The following HOXC13 variants were observed in gnomAD, a reference collection of about 807,000 sequenced individuals.
HOXC13 encodes the protein homeobox protein Hox-C13.
In HOXC13, 10 loss-of-function variants were observed where a neutral mutation model predicts 25.9. The observed-to-expected ratio is 0.39, with a 90% CI of 0.24 to 0.65. The LOEUF is 0.65. HOXC13 is among the 30% of genes least tolerant of loss of function. HOXC13 has a pLI of 0.50. For missense variants in HOXC13, 439 were observed against 478.3 expected, an observed-to-expected ratio of 0.92 and a Z score of 0.77; for synonymous variants, 233 against 217.1, an observed-to-expected ratio of 1.07 and a Z score of -0.64.
Position 53,945,522 on chromosome 12 carries a change from A to G in HOXC13, c.*266A>G. 1.9e-6 allele frequency: 1 copy of G among 524,106 alleles called. No individual in the cohort carries two copies. The highest frequency in any genetic ancestry group is 3.4e-6 in the Non-Finnish European group (1 of 290,052). The allele number at this position is 524,106 out of a possible 1,614,324, so 32.5% of individuals were successfully genotyped here. On this transcript the variant is annotated 3_prime_UTR_variant, in exon 2 of 2. Transcript: ENST00000243056. This position sits in a 1 kb window ranked among gnomAD's most constrained non-coding sequence, Gnocchi z 4.4. Reference sequence around the variant, plus strand: ...TGGGTCCCGAGTGGGCCGTGCGAGGAAGGCTGTCGACCTCTACTCCTCCTT... The same window carrying G: ...TGGGTCCCGAGTGGGCCGTGCGAGGGAGGCTGTCGACCTCTACTCCTCCTT...
intron 1 of HOXC13, among the ~76,000 whole-genome samples, chr12:53,942,980 A>G (rs968791016): frequency 6.6e-6 from 1 of 152,262 alleles, no homozygotes; most frequent in Admixed American, 6.5e-5. Flanking sequence ...AAAGTAAAAA[A>G]TTAGGGACAA....
rs781495718 is a variant in HOXC13 at position 53,939,372 on chromosome 12, C to A, written c.466C>A (p.Pro156Thr). 44 of 1,606,192 alleles carry A rather than the reference C, an allele frequency of 2.7e-5. No homozygotes were observed. The highest frequency in any genetic ancestry group is 4.0e-5 in the African/African-American group (3 of 74,776). Residue 156 changes from proline to threonine, a missense_variant, in exon 1 of 2, where the codon CCG becomes ACG. Transcript: ENST00000243056. The surrounding 1 kb of genome is among the most constrained non-coding windows in gnomAD (Gnocchi z 6.7). ...AYHPGDKYPE[P>T]SGALPGDDLS... ...CCACCCGGGCGATAAATACCCGGAGCCGTCGGGCGCCCTGCCCGGTGACGA... is the reference window on the plus strand; with the variant it reads ...CCACCCGGGCGATAAATACCCGGAGACGTCGGGCGCCCTGCCCGGTGACGA...
chr12:53,939,113 C>G lies in HOXC13; in HGVS notation c.207C>G (p.Cys69Trp). The G allele has an allele frequency of 1.4e-6, 2 of 1,454,030 alleles. No homozygotes were observed. Among genetic ancestry groups the G allele is most frequent in the South Asian group, 1.4e-5 (1 of 71,898 alleles). The allele number at this position is 1,454,030 out of a possible 1,614,324, so 90.1% of individuals were successfully genotyped here. Residue 69 changes from cysteine to tryptophan, a missense_variant, in exon 1 of 2, where the codon TGC (cysteine) becomes TGG (tryptophan). Coordinates refer to ENST00000243056, the MANE Select transcript of HOXC13 (RefSeq NM_017410.3). The surrounding 1 kb of genome is among the most constrained non-coding windows in gnomAD (Gnocchi z 6.7). ...GLGSSCPASH[C>W]RDLLPHPVLG... ...GCAGCAGCTGCCCGGCCAGCCACTG[C>G]CGCGACCTGCTTCCGCACCCCGTGC...
In HOXC13 at chr12:53,939,266, C is replaced by G. The variant is rs747044862; in HGVS notation, c.360C>G (p.Gly120=). 28 of 1,557,552 alleles carry G rather than the reference C, an allele frequency of 1.8e-5. 1 individual carries two copies. The African/African-American group carries it at 2.6e-4, about 14-fold the overall frequency. Residue 120 remains glycine, a synonymous_variant, in exon 1 of 2, where the codon GGC becomes GGG. Coordinates refer to ENST00000243056, the MANE Select transcript of HOXC13 (RefSeq NM_017410.3). The surrounding 1 kb of genome is among the most constrained non-coding windows in gnomAD (Gnocchi z 6.7). Reference sequence around the variant, plus strand: ...CCACCTCGTCCAGCGCCACCCTGGGCTACGGCTACCCCTTCGGGGGCAGCT... The same window carrying G: ...CCACCTCGTCCAGCGCCACCCTGGGGTACGGCTACCCCTTCGGGGGCAGCT... ...APPTSSSATL[G]YGYPFGGSYY...
At chr12:53,940,170 AT>A (rs1938587175) in intron 1 of HOXC13, among the ~76,000 whole-genome samples, 1 of 152,124 alleles carries the variant, frequency 6.6e-6, no homozygotes, top group African/African-American at 2.4e-5. Context: ...TGTGAGATTT[AT>A]TTTTTTCCTT....
At chr12:53,944,226 T>A (rs1938654195) in intron 1 of HOXC13, among the ~76,000 whole-genome samples, 1 of 152,120 alleles carries the variant, frequency 6.6e-6, no homozygotes, top group Non-Finnish European at 1.5e-5. Context: ...TCCCTATATC[T>A]CAGGTTCAGG....
chr12:53,945,109 C>T lies in HOXC13; in HGVS notation c.846C>T (p.Ser282=). ...LKELEKEYAA[S]KFITKEKRRR... is the part of the protein sequence containing the mutation. Reference sequence around the variant, plus strand: ...AGCTAGAGAAGGAATACGCGGCTAGCAAGTTCATCACCAAAGAGAAGCGCC... The same window carrying T: ...AGCTAGAGAAGGAATACGCGGCTAGTAAGTTCATCACCAAAGAGAAGCGCC... The change falls in exon 2 of 2, where the codon AGC becomes AGT. Residue 282 remains serine (S), a synonymous_variant. Transcript: ENST00000243056. This position sits in a 1 kb window ranked among gnomAD's most constrained non-coding sequence, Gnocchi z 4.4. 4.3e-6 allele frequency: 7 copies of T among 1,613,938 alleles called. No homozygotes were observed. The highest frequency in any genetic ancestry group is 5.1e-6 in the Non-Finnish European group (6 of 1,179,934).
In HOXC13 at chr12:53,939,234, G is replaced by T. The variant is rs755337383; in HGVS notation, c.328G>T (p.Ala110Ser). 1 of 1,537,314 alleles carries T rather than the reference G, an allele frequency of 6.5e-7. No individual in the cohort carries two copies. Among genetic ancestry groups the T allele is most frequent in the South Asian group, 1.2e-5 (1 of 83,046 alleles). Reference protein sequence around the residue: ...EAARQCAPPPAPPTSSSATLG... With the variant: ...EAARQCAPPPSPPTSSSATLG... ...GGCGCGCCAGTGTGCCCCGCCGCCC[G>T]CACCCCCCACCTCGTCCAGCGCCAC... Residue 110 changes from alanine (A) to serine (S), a missense_variant, in exon 1 of 2, where the codon GCA becomes TCA. Ala to Ser is a moderately conservative substitution (Grantham distance 99, BLOSUM62 1). Transcript: ENST00000243056. This position sits in a 1 kb window ranked among gnomAD's most constrained non-coding sequence, Gnocchi z 6.7.
intron 1 of HOXC13, among the ~76,000 whole-genome samples, chr12:53,941,580 A>G (rs1198685205): frequency 1.3e-5 from 2 of 152,244 alleles, no homozygotes; most frequent in African/African-American, 4.8e-5. Flanking sequence ...ACAAAACAAA[A>G]CAAAACAAAA....
chr12:53,942,859 T>TTTAAA (rs1938634712), intron 1 of HOXC13, among the ~76,000 whole-genome samples: 1 of 152,240 alleles, frequency 6.6e-6, no homozygotes, highest in Non-Finnish European at 1.5e-5. Flanking sequence ...AAACCAGTTG[T>TTTAAA]CTACTTTTTA....
At position 53,938,977 on chromosome 12, in the gene HOXC13, C is replaced by G. The variant is rs780519575; in HGVS notation, c.71C>G (p.Ala24Gly). The G allele has an allele frequency of 1.3e-6, 2 of 1,519,148 alleles. No homozygotes were observed. The highest frequency in any genetic ancestry group is 2.4e-5 in the South Asian group (2 of 82,784). 94.1% of individuals were successfully genotyped at this position (1,519,148 alleles called of 1,614,324 possible). A position where few individuals can be genotyped will look rare whatever the true frequency, so the allele number is the denominator to read the frequency against. The change falls in exon 1 of 2, where the codon GCG becomes GGG. Residue 24 changes from alanine (A) to glycine (G), a missense_variant. By Grantham distance (60) the Ala-to-Gly change is moderately conservative (BLOSUM62 0). Coordinates refer to ENST00000243056, the MANE Select transcript of HOXC13 (RefSeq NM_017410.3). ...ATGTACGTCTATGAGGACAGCGCGG[C>G]GGAGAGCGGCATCGGCGGCGGCGGC... Reference protein sequence around the residue: ...SLMYVYEDSAAESGIGGGGGG... With the variant: ...SLMYVYEDSAGESGIGGGGGG...
In HOXC13 at chr12:53,943,219, A is replaced by G. The variant is rs1282799697; in HGVS notation, c.737-1781A>G. ...CCTAATCTTGTAAAATGAGTTTAAC[A>G]AAATAATCCTGAAAAAATGTTCTGA... On this transcript the variant is annotated intron_variant, in intron 1 of 1. Transcript: ENST00000243056. Among the ~76,000 whole-genome samples the G allele has an allele frequency of 2.0e-5, 3 of 152,360 alleles. No individual in the cohort carries two copies. In the East Asian group the frequency reaches 5.8e-4, roughly 29 times the overall value.
rs1052593737 is a variant in HOXC13 at position 53,945,475 on chromosome 12, G to A, written c.*219G>A. On this transcript the variant is annotated 3_prime_UTR_variant, in exon 2 of 2. Transcript: ENST00000243056. This position sits in a 1 kb window ranked among gnomAD's most constrained non-coding sequence, Gnocchi z 4.4. ...CCACCCCCATCCAGATGGGACTCAC[G>A]TGGCTTCAACAGCTTTGGAAATGGG... is the stretch of plus-strand genomic sequence containing the variant. 1 of 596,804 alleles carries A rather than the reference G, an allele frequency of 1.7e-6. No individual in the cohort carries two copies. Among genetic ancestry groups the A allele is most frequent in the South Asian group, 2.1e-5 (1 of 48,244 alleles). The allele number at this position is 596,804 out of a possible 1,614,324, so 37.0% of individuals were successfully genotyped here. A position where few individuals can be genotyped will look rare whatever the true frequency, so the allele number is the denominator to read the frequency against.
In HOXC13 at chr12:53,945,634, A is replaced by T. The variant is rs1938682550; in HGVS notation, c.*378A>T. ...GGTTGGGGAATCCCGAATGGCCCCA[A>T]TTCTTGCCTCATCCTATGACCAGGC... On this transcript the variant is annotated 3_prime_UTR_variant, in exon 2 of 2. Transcript: ENST00000243056. This position sits in a 1 kb window ranked among gnomAD's most constrained non-coding sequence, Gnocchi z 4.4. 1 of 337,706 alleles carries T rather than the reference A, an allele frequency of 3.0e-6. No individual in the cohort carries two copies. Among genetic ancestry groups the T allele is most frequent in the African/African-American group, 2.0e-5 (1 of 49,664 alleles). 20.9% of individuals were successfully genotyped at this position (337,706 alleles called of 1,614,324 possible).
chr12:53,942,120 GTT>G (rs35142054), intron 1 of HOXC13, among the ~76,000 whole-genome samples: 3,967 of 115,430 alleles, frequency 0.034, 246 homozygotes, highest in African/African-American at 0.14. Flanking sequence ...TATTGCTCTG[GTT>G]TTTTTTTTTT....
intron 1 of HOXC13, among the ~76,000 whole-genome samples, chr12:53,944,193 C>T (rs1938653742): frequency 6.6e-6 from 1 of 152,086 alleles, no homozygotes; most frequent in South Asian, 2.1e-4. Context: ...AGTGTGGACC[C>T]CCTACTTCCA....
chr12:53,945,019 C>T lies in HOXC13; in HGVS notation c.756C>T (p.Pro252=), dbSNP rs1938669750. The change falls in exon 2 of 2, where the codon CCC becomes CCT. Residue 252 remains proline (P), a synonymous_variant. Coordinates refer to ENST00000243056, the MANE Select transcript of HOXC13 (RefSeq NM_017410.3). The surrounding 1 kb of genome is among the most constrained non-coding windows in gnomAD (Gnocchi z 4.4). ...SPFPDVVPLQ[P]EVSSYRRGRK... ...CCGCAGACGTGGTTCCCCTGCAGCC[C>T]GAGGTGAGCAGCTACCGGCGCGGGC... is the stretch of plus-strand genomic sequence containing the variant. 1 of 1,613,900 alleles carries T rather than the reference C, an allele frequency of 6.2e-7. No individual in the cohort carries two copies. Among genetic ancestry groups the T allele is most frequent in the Admixed American group, 1.7e-5 (1 of 60,026 alleles).
At chr12:53,941,221 C>G (rs937164537) in intron 1 of HOXC13, among the ~76,000 whole-genome samples, 1 of 152,200 alleles carries the variant, frequency 6.6e-6, no homozygotes, top group African/African-American at 2.4e-5. Flanking sequence ...AAAGACAATT[C>G]ACATGTTCAT....
intron 1 of HOXC13, among the ~76,000 whole-genome samples, chr12:53,941,674 T>C (rs1016618939): frequency 6.6e-6 from 1 of 152,224 alleles, no homozygotes; most frequent in African/African-American, 2.4e-5. Flanking sequence ...TATATCCCAA[T>C]TGAGATTTAA....
Sources: gnomAD v4.1 joint callset for allele counts (sites outside exome capture counted in the v4.1 genomes callset) on GRCh38, gnomAD v4.1.1 for gene constraint, Gnocchi (gnomAD v3.1) non-coding constraint, MANE v1.5 for transcripts, NCBI Gene and HGNC (gene_info 2026-07-23, HGNC 2026-07-21) for gene names.